The following HNF4G variants were observed in gnomAD, a reference collection of about 807,000 sequenced individuals.
HNF4G encodes the protein hepatocyte nuclear factor 4-gamma.
In HNF4G, 21 loss-of-function variants were observed where a neutral mutation model predicts 50.9. That is an observed-to-expected ratio of 0.41 (90% confidence interval 0.29 to 0.59). HNF4G has a LOEUF of 0.59. Ranked by LOEUF, HNF4G falls within the 20% of genes least tolerant of loss-of-function variation. The pLI, the probability that HNF4G is intolerant of heterozygous loss-of-function variation, is 0.26. For synonymous variants in HNF4G, 198 were observed against 185.6 expected (o/e 1.07, Z -0.54); for missense variants, 527 against 559.4 (o/e 0.94, Z 0.58).
At chr8:75,474,418 A>T (rs1373634847) in intron 1 of HNF4G, among the ~76,000 whole-genome samples, 1 of 152,176 alleles carries the variant, frequency 6.6e-6, no homozygotes, top group African/African-American at 2.4e-5. Context: ...TATAACTTTG[A>T]CCACTCTCCA....
At chr8:75,550,642 C>T (rs1290616900) in intron 3 of HNF4G, among the ~76,000 whole-genome samples, 1 of 151,908 alleles carries the variant, frequency 6.6e-6, no homozygotes, top group Admixed American at 6.6e-5. Flanking sequence ...TTCCCTGTCA[C>T]TCTTCCTTAT....
chr8:75,539,387 C>T (rs1453334756), upstream of HNF4G, among the ~76,000 whole-genome samples: 1 of 152,068 alleles, frequency 6.6e-6, no homozygotes. Context: ...TCATAACTCC[C>T]CACATTTCAA....
chr8:75,430,503 G>GAGAGAGAGAGA (rs1554567911), intron 1 of HNF4G, among the ~76,000 whole-genome samples: 1 of 123,302 alleles, frequency 8.1e-6, no homozygotes, highest in African/African-American at 3.4e-5. Flanking sequence ...AGAGAGAGAG[G>GAGAGAGAGAGA]GAGAGAGAGA....
At chr8:75,452,628 G>C (rs1436258904) in intron 1 of HNF4G, among the ~76,000 whole-genome samples, 1 of 151,832 alleles carries the variant, frequency 6.6e-6, no homozygotes, top group African/African-American at 2.4e-5. Flanking sequence ...CTGAGGCAGG[G>C]AAATGGCGTG....
chr8:75,556,701 T>G (rs1361753638), intron 6 of HNF4G, among the ~76,000 whole-genome samples: 1 of 152,176 alleles, frequency 6.6e-6, no homozygotes, highest in Non-Finnish European at 1.5e-5. Context: ...AGGGTTGAGA[T>G]CCTTCTGACA....
intron 1 of HNF4G, among the ~76,000 whole-genome samples, chr8:75,421,412 G>C (rs182331232): frequency 1.3e-5 from 2 of 152,116 alleles, no homozygotes; most frequent in East Asian, 3.9e-4. Flanking sequence ...ACTTTGAATT[G>C]GTTTTTTAGA....
rs775492405 is a variant in HNF4G at position 75,558,900 on chromosome 8, G to A, written c.986G>A (p.Arg329Gln). Residue 329 changes from arginine (R) to glutamine (Q), a missense_variant, in exon 8 of 10, where the codon CGG (arginine) becomes CAG (glutamine). By Grantham distance (43) the Arg-to-Gln change is conservative (BLOSUM62 1). Around this residue, in one of 5 missense-constraint regions of HNF4G, gnomAD observed 308 missense variants for 301.5 expected, o/e 1.02. Transcript: ENST00000396423. ...DYINDRQYDS[R>Q]GRFGELLLLL... ...ATCAATGATCGGCAGTATGACTCCCGGGGGAGGTTTGGAGAGTTGCTTCTG... is the reference window on the plus strand; with the variant it reads ...ATCAATGATCGGCAGTATGACTCCCAGGGGAGGTTTGGAGAGTTGCTTCTG... The A allele has an allele frequency of 9.3e-6, 15 of 1,613,790 alleles. No individual in the cohort carries two copies. The highest frequency in any genetic ancestry group is 1.3e-5 in the African/African-American group (1 of 75,020).
chr8:75,535,659 TAACTC>T (rs1168032721), upstream of HNF4G, among the ~76,000 whole-genome samples: 22 of 152,026 alleles, frequency 1.4e-4, no homozygotes, highest in South Asian at 4.6e-3. Flanking sequence ...CAAATTTTCT[TAACTC>T]TATTTTACAG....
intron 2 of HNF4G, among the ~76,000 whole-genome samples, chr8:75,506,977 A>G (rs1240402104): frequency 6.6e-6 from 1 of 152,206 alleles, no homozygotes; most frequent in Non-Finnish European, 1.5e-5. Flanking sequence ...TTGCAATTTT[A>G]TTTGGGCCTA....
chr8:75,497,983 T>C (rs1812821876), intron 2 of HNF4G, among the ~76,000 whole-genome samples: 1 of 152,088 alleles, frequency 6.6e-6, no homozygotes, highest in Non-Finnish European at 1.5e-5. Context: ...GAAGTATTCA[T>C]ACCACAGGCA....
At chr8:75,549,438 G>A (rs1483138081) in intron 3 of HNF4G, among the ~76,000 whole-genome samples, 1 of 151,660 alleles carries the variant, frequency 6.6e-6, no homozygotes, top group East Asian at 1.9e-4. Flanking sequence ...AGTCAGTTTA[G>A]GTTAAAAATC....
chr8:75,512,067 G>T (rs558124009), intron 2 of HNF4G, among the ~76,000 whole-genome samples: 1 of 152,144 alleles, frequency 6.6e-6, no homozygotes, highest in East Asian at 1.9e-4. Flanking sequence ...TTCGTGGAAT[G>T]ATTTTGTTAA....
At chr8:75,421,027 C>T (rs1810763416) in intron 1 of HNF4G, among the ~76,000 whole-genome samples, 1 of 152,138 alleles carries the variant, frequency 6.6e-6, no homozygotes, top group Non-Finnish European at 1.5e-5. Context: ...CTTATAGCCA[C>T]ATCGCAGGTA....
At chr8:75,469,291 AC>A (rs1326518028) in intron 1 of HNF4G, among the ~76,000 whole-genome samples, 1 of 150,852 alleles carries the variant, frequency 6.6e-6, no homozygotes, top group Non-Finnish European at 1.5e-5. Flanking sequence ...GGGGAAATAT[AC>A]CCCACCCACA....
chr8:75,443,122 T>C (rs891334823), intron 1 of HNF4G, among the ~76,000 whole-genome samples: 1 of 152,154 alleles, frequency 6.6e-6, no homozygotes, highest in Non-Finnish European at 1.5e-5. Flanking sequence ...CTAGCTAGTC[T>C]CTTCTACCAT....
At chr8:75,444,259 A>G (rs1433997242) in intron 1 of HNF4G, among the ~76,000 whole-genome samples, 1 of 151,902 alleles carries the variant, frequency 6.6e-6, no homozygotes, top group East Asian at 1.9e-4. Context: ...AGCCTGCCCT[A>G]AAAGAGCTCC....
intron 1 of HNF4G, among the ~76,000 whole-genome samples, chr8:75,430,474 T>TAGAGAG (rs66481707): frequency 3.5e-4 from 47 of 136,110 alleles, no homozygotes; most frequent in African/African-American, 1.2e-3. Context: ...GGGTAGGGAG[T>TAGAGAG]AGAGAGAGAG....
chr8:75,559,260 A>G (rs1402091828), intron 8 of HNF4G, among the ~76,000 whole-genome samples: 1 of 105,092 alleles, frequency 9.5e-6, no homozygotes, highest in Non-Finnish European at 1.8e-5. Flanking sequence ...TCAAACCCCC[A>G]TTCGTTTTTT....
chr8:75,425,109 G>A (rs1810862777), intron 1 of HNF4G, among the ~76,000 whole-genome samples: 1 of 72,446 alleles, frequency 1.4e-5, no homozygotes, highest in African/African-American at 6.2e-5. Flanking sequence ...TATTTTAGAC[G>A]GAGTCTCGCT....
Sources: gnomAD v4.1 joint callset for allele counts (sites outside exome capture counted in the v4.1 genomes callset) on GRCh38, gnomAD v4.1.1 for gene constraint, gnomAD v4.1.1 regional missense constraint, MANE v1.5 for transcripts, NCBI Gene and HGNC (gene_info 2026-07-23, HGNC 2026-07-21) for gene names.